STARD13: variants seen among roughly 807,000 people sequenced by gnomAD.
STARD13 encodes stAR-related lipid transfer protein 13.
In STARD13, 62 loss-of-function variants were observed where a neutral mutation model predicts 106.4. That is an observed-to-expected ratio of 0.58 (90% confidence interval 0.48 to 0.72). STARD13 has a LOEUF of 0.72. Ranked by LOEUF, STARD13 falls within the 30% of genes least tolerant of loss-of-function variation. The pLI, the probability that STARD13 is intolerant of heterozygous loss-of-function variation, is 0.00. For missense variants in STARD13, 1,387 were observed against 1,424.0 expected (o/e 0.97, Z 0.42); for synonymous variants, 565 against 553.0 (o/e 1.02, Z -0.31).
chr13:33,151,322 T>G (rs1397477494), intron 3 of STARD13, among the ~76,000 whole-genome samples: 3 of 152,154 alleles, frequency 2.0e-5, no homozygotes, highest in African/African-American at 7.2e-5. Flanking sequence ...CCTCTGCTTC[T>G]GGTAAGGCCT....
At chr13:33,341,952 G>C (rs943533154) in intron 1 of STARD13, among the ~76,000 whole-genome samples, 1 of 151,858 alleles carries the variant, frequency 6.6e-6, no homozygotes, top group African/African-American at 2.4e-5. Flanking sequence ...CACCATACCC[G>C]GCTAATTTTT....
At chr13:33,550,723 T>G in the STARD13 span, among the ~76,000 whole-genome samples, 1 of 152,250 alleles carries the variant, frequency 6.6e-6, no homozygotes, top group Non-Finnish European at 1.5e-5. Flanking sequence ...TACCATTAAG[T>G]GGCATGTATT....
chr13:33,351,070 T>TTGG (rs1438862394), upstream of STARD13, among the ~76,000 whole-genome samples: 1 of 152,202 alleles, frequency 6.6e-6, no homozygotes, highest in Non-Finnish European at 1.5e-5. Context: ...ATGTTCAATA[T>TTGG]TGGTGATCTG....
chr13:33,128,224 G>C (rs1877538954), intron 5 of STARD13, among the ~76,000 whole-genome samples: 1 of 152,016 alleles, frequency 6.6e-6, no homozygotes, highest in Admixed American at 6.6e-5. Context: ...GAGAGAGAGG[G>C]AGAGAGCTGT....
chr13:33,556,137 G>A, the STARD13 span, among the ~76,000 whole-genome samples: 1 of 152,108 alleles, frequency 6.6e-6, no homozygotes, highest in Non-Finnish European at 1.5e-5. Flanking sequence ...ATTTCTTATG[G>A]AAAAATTCAT....
At chr13:33,601,280 T>C in the STARD13 span, among the ~76,000 whole-genome samples, 1 of 152,060 alleles carries the variant, frequency 6.6e-6, no homozygotes, top group Non-Finnish European at 1.5e-5. Context: ...TGGAAGGTAC[T>C]TTTTAGTCCT....
chr13:33,247,827 T>C (rs945987754), intron 1 of STARD13, among the ~76,000 whole-genome samples: 2 of 152,070 alleles, frequency 1.3e-5, no homozygotes, highest in Non-Finnish European at 1.5e-5. Flanking sequence ...AAATAGTGGG[T>C]GCTGAGACCC....
intron 1 of STARD13, among the ~76,000 whole-genome samples, chr13:33,194,284 A>T (rs1886460172): frequency 6.6e-6 from 1 of 152,200 alleles, no homozygotes; most frequent in Non-Finnish European, 1.5e-5. Context: ...AAAAAACCTT[A>T]AAAATTGTGT....
chr13:33,181,170 A>G (rs1301835487), intron 1 of STARD13, among the ~76,000 whole-genome samples: 1 of 152,094 alleles, frequency 6.6e-6, no homozygotes, highest in Non-Finnish European at 1.5e-5. Context: ...GGCCTAAGGC[A>G]TATCAGCTTT....
the STARD13 span, among the ~76,000 whole-genome samples, chr13:33,437,884 A>G: frequency 6.6e-6 from 1 of 152,174 alleles, no homozygotes; most frequent in Non-Finnish European, 1.5e-5. Context: ...CCCCTGCCAA[A>G]TGAAGCCCTG....
the STARD13 span, among the ~76,000 whole-genome samples, chr13:33,643,742 C>T: frequency 3.9e-5 from 6 of 152,248 alleles, no homozygotes; most frequent in South Asian, 2.1e-4. Flanking sequence ...TGGTCTAAGC[C>T]GCTGGTGAGC....
the STARD13 span, among the ~76,000 whole-genome samples, chr13:33,392,585 A>G: frequency 6.6e-6 from 1 of 152,124 alleles, no homozygotes; most frequent in Non-Finnish European, 1.5e-5. Context: ...CTTTTAGTAG[A>G]AAAGGGGTTT....
the STARD13 span, among the ~76,000 whole-genome samples, chr13:33,429,590 C>G: frequency 6.6e-6 from 1 of 150,890 alleles, no homozygotes; most frequent in African/African-American, 2.4e-5. Flanking sequence ...CCATAAAAAA[C>G]AATAAGACCC....
At chr13:33,380,563 G>C in the STARD13 span, among the ~76,000 whole-genome samples, 9 of 144,960 alleles carry the variant, frequency 6.2e-5, no homozygotes, top group South Asian at 1.9e-3. Context: ...GCATGCAAAC[G>C]AGGGAACTGT....
the STARD13 span, among the ~76,000 whole-genome samples, chr13:33,587,215 C>CAAA: frequency 0.049 from 4,760 of 96,638 alleles, 100 homozygotes; most frequent in Middle Eastern, 0.071. Flanking sequence ...GACTCTGTCT[C>CAAA]AAAAAAAAAA....
the STARD13 span, among the ~76,000 whole-genome samples, chr13:33,395,257 CAAT>C: frequency 6.6e-6 from 1 of 152,090 alleles, no homozygotes; most frequent in Non-Finnish European, 1.5e-5. Context: ...CATTAACTGA[CAAT>C]GATACTAAAA....
chr13:33,304,578 C>A (rs4423300), intron 1 of STARD13, among the ~76,000 whole-genome samples: 2 of 152,132 alleles, frequency 1.3e-5, no homozygotes, highest in East Asian at 3.8e-4. Flanking sequence ...TCAAAGAATT[C>A]TGTAACTTTA....
intron 13 of STARD13, among the ~76,000 whole-genome samples, chr13:33,106,033 G>T (rs2764618): frequency 6.6e-6 from 1 of 152,054 alleles, no homozygotes; most frequent in Non-Finnish European, 1.5e-5. Context: ...CCAAGAACTG[G>T]GTTTAGCATC....
chr13:33,159,468 G>A (rs763855699), intron 3 of STARD13, among the ~76,000 whole-genome samples: 1 of 152,164 alleles, frequency 6.6e-6, no homozygotes, highest in Non-Finnish European at 1.5e-5. Context: ...AGCTTGGCCC[G>A]CTAAGCCACC....
Sources: allele counts gnomAD v4.1 joint callset (sites outside exome capture counted in the v4.1 genomes callset), GRCh38; gene constraint gnomAD v4.1.1; transcripts MANE v1.5; gene names NCBI Gene and HGNC (gene_info 2026-07-23, HGNC 2026-07-21).